The following IGF2BP1 variants were observed in gnomAD, a reference collection of about 807,000 sequenced individuals.
The protein encoded by IGF2BP1 is insulin like growth factor 2 mRNA binding protein 1, also known as insulin-like growth factor 2 mRNA-binding protein 1.
A neutral mutation model predicts 74.9 loss-of-function variants in IGF2BP1; 11 were observed. That is an observed-to-expected ratio of 0.15 (90% confidence interval 0.09 to 0.24). The LOEUF (loss-of-function observed/expected upper bound fraction) is 0.24. IGF2BP1 is among the 10% of genes least tolerant of loss of function. The pLI is 1.00. For missense variants in IGF2BP1, 440 were observed against 757.4 expected, an observed-to-expected ratio of 0.58 and a Z score of 4.92; for synonymous variants, 287 against 281.8, an observed-to-expected ratio of 1.02 and a Z score of -0.18.
intron 2 of IGF2BP1, among the ~76,000 whole-genome samples, chr17:49,001,886 A>G (rs1223802965): frequency 6.6e-6 from 1 of 152,136 alleles, no homozygotes; most frequent in Admixed American, 6.6e-5. Context: ...GATTACTTTG[A>G]GACATGATTT....
chr17:49,024,918 G>C (rs1046902521), intron 2 of IGF2BP1, among the ~76,000 whole-genome samples: 3 of 152,242 alleles, frequency 2.0e-5, no homozygotes, highest in Non-Finnish European at 2.9e-5. Flanking sequence ...TGGGCCGGGT[G>C]TTGTGGCTCA....
In IGF2BP1 at chr17:49,054,976, C is replaced by A. The variant is rs1184375705; in HGVS notation, c.*5532C>A. 1.7e-5 allele frequency: 2 copies of A among 118,160 alleles called. No individual in the cohort carries two copies. The highest frequency in any genetic ancestry group is 3.4e-5 in the Non-Finnish European group (2 of 59,652). The allele number at this position is 118,160 out of a possible 1,614,324, so 7.3% of individuals were successfully genotyped here. A position where few individuals can be genotyped will look rare whatever the true frequency, so the allele number is the denominator to read the frequency against. Reference sequence around the variant, plus strand: ...CCCTCCCCACCCACCCTCTAATGGACCTCCTCATAGAAGCCCCATTTCACT... The same window carrying A: ...CCCTCCCCACCCACCCTCTAATGGAACTCCTCATAGAAGCCCCATTTCACT... On this transcript the variant is annotated 3_prime_UTR_variant, in exon 15 of 15. Coordinates refer to ENST00000290341, the MANE Select transcript of IGF2BP1 (RefSeq NM_006546.4).
chr17:49,012,252 T>C (rs2041628438), intron 2 of IGF2BP1, among the ~76,000 whole-genome samples: 1 of 152,166 alleles, frequency 6.6e-6, no homozygotes, highest in Admixed American at 6.5e-5. Flanking sequence ...TCCCCTTGTC[T>C]GGGCAGCTAA....
At chr17:49,035,786 C>G (rs951851803) in intron 5 of IGF2BP1, among the ~76,000 whole-genome samples, 7 of 152,326 alleles carry the variant, frequency 4.6e-5, no homozygotes, top group African/African-American at 1.4e-4. Flanking sequence ...GCCCGCCCCC[C>G]ACCACTTTGC....
chr17:49,029,266 AAGCTTCCTTACCACTGAGGAGGG>A (rs942227786), intron 4 of IGF2BP1, among the ~76,000 whole-genome samples: 3 of 152,180 alleles, frequency 2.0e-5, no homozygotes, highest in African/African-American at 7.2e-5. Context: ...GTTCTTGCAG[AAGCTTCCTTACCACTGAGGAGGG>A]AGAGACCTAC....
intron 9 of IGF2BP1, among the ~76,000 whole-genome samples, 175 bp from the exon 10 acceptor site, chr17:49,043,253 C>T (rs781394601): frequency 4.6e-5 from 7 of 152,142 alleles, no homozygotes; most frequent in Admixed American, 3.3e-4. Flanking sequence ...ATTCCACACC[C>T]GAAGTGTGTA....
At chr17:49,034,744 A>C (rs907381445) in intron 5 of IGF2BP1, among the ~76,000 whole-genome samples, 1 of 129,578 alleles carries the variant, frequency 7.7e-6, no homozygotes, top group Non-Finnish European at 1.6e-5. Context: ...CTCAAAAAAA[A>C]CACAAAAAAA....
Position 49,049,499 on chromosome 17 carries a change from T to A in IGF2BP1, c.*55T>A. 1 of 1,475,908 alleles carries A rather than the reference T, an allele frequency of 6.8e-7. No homozygotes were observed. 91.4% of individuals were successfully genotyped at this position (1,475,908 alleles called of 1,614,324 possible). On this transcript the variant is annotated 3_prime_UTR_variant, in exon 15 of 15. Transcript: ENST00000290341. ...GACAACAACGGGCAGAAATCGAGAG[T>A]GTGCTCTCCCCGGCAGGCCTGAGAA...
In IGF2BP1 at chr17:48,998,047, A is replaced by T. The variant is rs2041430046; in HGVS notation, c.175+127A>T. 3.2e-6 allele frequency: 3 copies of T among 950,098 alleles called. No homozygotes were observed. In the South Asian group the frequency reaches 5.0e-5, roughly 16 times the overall value. 58.9% of individuals were successfully genotyped at this position (950,098 alleles called of 1,614,324 possible). Reference sequence around the variant, plus strand: ...CCTGCGGGGTTTGGCCTCCGTACCCACCCTCGACCTACCCCCTTCGATGCC... The same window carrying T: ...CCTGCGGGGTTTGGCCTCCGTACCCTCCCTCGACCTACCCCCTTCGATGCC... On this transcript the variant is annotated intron_variant, in intron 1 of 14. Transcript: ENST00000290341.
At chr17:49,014,729 C>T (rs2041671476) in intron 2 of IGF2BP1, 2 of 979,138 alleles carry the variant, frequency 2.0e-6, no homozygotes, top group African/African-American at 1.7e-5. Flanking sequence ...CTTATGGACA[C>T]GCAGACGCTT....
Position 49,049,554 on chromosome 17 carries a change from G to A in IGF2BP1, c.*110G>A. The A allele has an allele frequency of 1.2e-6, 1 of 865,916 alleles. No individual in the cohort carries two copies. The highest frequency in any genetic ancestry group is 1.8e-6 in the Non-Finnish European group (1 of 544,388). The allele number at this position is 865,916 out of a possible 1,614,324, so 53.6% of individuals were successfully genotyped here. On this transcript the variant is annotated 3_prime_UTR_variant, in exon 15 of 15. Transcript: ENST00000290341. ...TGGGAATCCGGGACACCTGGGCCGG[G>A]CTGTAGATCAGGTTTGCCCACTTGA...
At position 49,047,356 on chromosome 17, in the gene IGF2BP1, TTAA is replaced by T. The variant is rs1159790760; in HGVS notation, c.1641+987_1641+989del. On this transcript the variant is annotated intron_variant, in intron 14 of 14. Transcript: ENST00000290341. ...ATATATATAAAATAACAAAAAAGTA[TTAA>T]TAAGAGCCATAATAATAATAATATC... Among the ~76,000 whole-genome samples, 17 of 152,160 alleles carry T rather than the reference TTAA, an allele frequency of 1.1e-4. No individual in the cohort carries two copies. The East Asian group carries it at 2.5e-3, about 22-fold the overall frequency.
chr17:49,032,456 C>T (rs1310309752), intron 5 of IGF2BP1, among the ~76,000 whole-genome samples: 2 of 145,002 alleles, frequency 1.4e-5, no homozygotes, highest in African/African-American at 2.6e-5. Flanking sequence ...GTTGTGGGGT[C>T]CTTTTAGTCC....
intron 2 of IGF2BP1, among the ~76,000 whole-genome samples, chr17:49,019,939 T>A (rs1435509710): frequency 5.0e-5 from 3 of 59,788 alleles, no homozygotes; most frequent in African/African-American, 2.7e-4. Flanking sequence ...TATATATATA[T>A]ATATATATAT....
intron 2 of IGF2BP1, among the ~76,000 whole-genome samples, chr17:49,001,132 A>T (rs1005905626): frequency 2.6e-5 from 4 of 152,150 alleles, no homozygotes; most frequent in Non-Finnish European, 5.9e-5. Context: ...TTAAAAAAGA[A>T]AGTTTGTTTT....
At position 49,051,262 on chromosome 17, in the gene IGF2BP1, C is replaced by T. The variant is rs972420714; in HGVS notation, c.*1818C>T. On this transcript the variant is annotated 3_prime_UTR_variant, in exon 15 of 15. Coordinates refer to ENST00000290341, the MANE Select transcript of IGF2BP1 (RefSeq NM_006546.4). Reference sequence around the variant, plus strand: ...TTATTTTTTTAATGAAAAGAAAAAACAAGAAAGTTATGTTTCATAATTTCT... The same window carrying T: ...TTATTTTTTTAATGAAAAGAAAAAATAAGAAAGTTATGTTTCATAATTTCT... The T allele has an allele frequency of 2.0e-5, 3 of 152,444 alleles. No individual in the cohort carries two copies. Among genetic ancestry groups the T allele is most frequent in the Non-Finnish European group, 4.4e-5 (3 of 68,002 alleles). The allele number at this position is 152,444 out of a possible 1,614,324, so 9.4% of individuals were successfully genotyped here.
chr17:49,033,597 C>CTGTAAT (rs1466275357), intron 5 of IGF2BP1, among the ~76,000 whole-genome samples: 3 of 152,064 alleles, frequency 2.0e-5, no homozygotes, highest in Non-Finnish European at 4.4e-5. Flanking sequence ...CCCACCTCAG[C>CTGTAAT]CCCCCAGAGT....
chr17:49,024,051 G>A (rs1018184684), intron 2 of IGF2BP1, among the ~76,000 whole-genome samples: 6 of 148,960 alleles, frequency 4.0e-5, no homozygotes, highest in African/African-American at 1.5e-4. Context: ...TGAGTAGCTG[G>A]AATTACAGGC....
At position 49,055,607 on chromosome 17, in the gene IGF2BP1, A is replaced by G; in HGVS notation, c.*6163A>G. On this transcript the variant is annotated 3_prime_UTR_variant, in exon 15 of 15. Coordinates refer to ENST00000290341, the MANE Select transcript of IGF2BP1 (RefSeq NM_006546.4). ...AAGCACGTTCAAAATGAATTTCAGCAGATTATGTGTTACCATAATGAATAA... is the reference window on the plus strand; with the variant it reads ...AAGCACGTTCAAAATGAATTTCAGCGGATTATGTGTTACCATAATGAATAA... 1 of 398,662 alleles carries G rather than the reference A, an allele frequency of 2.5e-6. No homozygotes were observed. The highest frequency in any genetic ancestry group is 6.3e-4 in the Middle Eastern group (1 of 1,588). The allele number at this position is 398,662 out of a possible 1,614,324, so 24.7% of individuals were successfully genotyped here. A position where few individuals can be genotyped will look rare whatever the true frequency, so the allele number is the denominator to read the frequency against.
Sources: gnomAD v4.1 joint callset for allele counts (sites outside exome capture counted in the v4.1 genomes callset) on GRCh38, gnomAD v4.1.1 for gene constraint, MANE v1.5 for transcripts, NCBI Gene and HGNC (gene_info 2026-07-23, HGNC 2026-07-21) for gene names.